Variants in COL11A1 observed in about 807,000 individuals in gnomAD.
The protein encoded by COL11A1 is collagen type XI alpha 1 chain, also known as collagen alpha-1(XI) chain.
A neutral mutation model predicts 265.2 loss-of-function variants in COL11A1; 74 were observed. The ratio of observed to expected loss-of-function variants is 0.28; its 90% CI spans 0.23 to 0.34. The LOEUF (loss-of-function observed/expected upper bound fraction) is 0.34. Ranked by LOEUF, COL11A1 falls within the 10% of genes least tolerant of loss-of-function variation. The probability of loss-of-function intolerance (pLI) is 1.00; values close to 1 mark genes in which losing one functional copy is unlikely to be tolerated. For missense variants in COL11A1, 2,165 were observed against 2,263.6 expected, an observed-to-expected ratio of 0.96 and a Z score of 0.88; for synonymous variants, 816 against 727.6, an observed-to-expected ratio of 1.12 and a Z score of -1.96.
At chr1:103,059,166 A>G (rs904152626) in intron 4 of COL11A1, among the ~76,000 whole-genome samples, 41 of 152,192 alleles carry the variant, frequency 2.7e-4, no homozygotes, top group African/African-American at 8.2e-4. Context: ...ACTGCAGTGC[A>G]GCATTATCCT....
intron 37 of COL11A1, among the ~76,000 whole-genome samples, chr1:102,966,064 A>T (rs1661375135): frequency 6.6e-6 from 1 of 152,216 alleles, no homozygotes; most frequent in Admixed American, 6.5e-5. Flanking sequence ...TCTTGTAAGA[A>T]ACTCAAGAGA....
intron 66 of COL11A1, 97 bp downstream of exon 66, chr1:102,879,586 G>T: frequency 9.8e-7 from 1 of 1,019,966 alleles, no homozygotes; most frequent in Non-Finnish European, 1.5e-6. Context: ...AACAACTGAC[G>T]TCCATTTCAT....
rs1656201528 is a variant in COL11A1 at position 102,923,324 on chromosome 1, A to C, written c.3654+12T>G. 6.2e-7 allele frequency: 1 copy of C among 1,604,224 alleles called. No homozygotes were observed. The highest frequency in any genetic ancestry group is 1.3e-5 in the African/African-American group (1 of 74,578). On this transcript the variant is annotated intron_variant, in intron 47 of 66. Coordinates refer to ENST00000370096, the MANE Select transcript of COL11A1 (RefSeq NM_001854.4). Reference sequence around the variant, plus strand: ...AACACATACCCATCAAACACCAAAAATAAAAACTTACCATGGGACCAACAT... The same window carrying C: ...AACACATACCCATCAAACACCAAAACTAAAAACTTACCATGGGACCAACAT...
At chr1:102,978,563 TA>T in intron 35 of COL11A1, 144 bp downstream of exon 35, 2 of 891,654 alleles carry the variant, frequency 2.2e-6, no homozygotes, top group Non-Finnish European at 3.6e-6. Flanking sequence ...AGGAATAAAT[TA>T]AAAAATAAGC....
chr1:103,085,971 T>G (rs1672821335), intron 1 of COL11A1, among the ~76,000 whole-genome samples: 1 of 152,164 alleles, frequency 6.6e-6, no homozygotes, highest in African/African-American at 2.4e-5. Context: ...AAGATTACTC[T>G]TAAGATCTGT....
At chr1:102,902,626 G>T (rs1225968083) in intron 54 of COL11A1, among the ~76,000 whole-genome samples, 1 of 151,796 alleles carries the variant, frequency 6.6e-6, no homozygotes, top group Admixed American at 6.6e-5. Context: ...TGCAGACCTT[G>T]TTTTCATAAT....
chr1:103,026,047 T>C, intron 6 of COL11A1, 169 bp downstream of exon 6: 2 of 1,326,052 alleles, frequency 1.5e-6, no homozygotes, highest in Non-Finnish European at 2.2e-6. Context: ...AAAAGTGAAA[T>C]GGACATCATT....
At chr1:102,996,993 G>T in intron 26 of COL11A1, 87 bp downstream of exon 26, 1 of 1,077,228 alleles carries the variant, frequency 9.3e-7, no homozygotes, top group African/African-American at 1.6e-5. Context: ...ATATGAACGT[G>T]ATTTATATAT....
intron 3 of COL11A1, among the ~76,000 whole-genome samples, chr1:103,077,218 T>G: frequency 6.6e-6 from 1 of 152,096 alleles, no homozygotes; most frequent in East Asian, 1.9e-4. Flanking sequence ...ATTCTCCATT[T>G]TTTTATTTTT....
chr1:103,008,651 C>T lies in COL11A1; in HGVS notation c.1630-135G>A. 6 of 812,824 alleles carry T rather than the reference C, an allele frequency of 7.4e-6. No homozygotes were observed. In the South Asian group the frequency reaches 9.2e-5, roughly 12 times the overall value. 50.4% of individuals were successfully genotyped at this position (812,824 alleles called of 1,614,324 possible). ...ATATTAGCATTAACTTATTAATTAA[C>T]ACAGTAAAATTTTCCAGCACTTGCA... On this transcript the variant is annotated intron_variant, in intron 14 of 66. Transcript: ENST00000370096.
intron 48 of COL11A1, among the ~76,000 whole-genome samples, chr1:102,921,057 T>C (rs975949590): frequency 6.6e-6 from 1 of 152,160 alleles, no homozygotes; most frequent in African/African-American, 2.4e-5. Flanking sequence ...ATCATCTTTA[T>C]ACAATTAAGA....
At chr1:103,081,958 A>T (rs1672449961) in intron 2 of COL11A1, among the ~76,000 whole-genome samples, 1 of 151,988 alleles carries the variant, frequency 6.6e-6, no homozygotes, top group Non-Finnish European at 1.5e-5. Flanking sequence ...AACACCCATC[A>T]ACTGACCAAT....
intron 44 of COL11A1, among the ~76,000 whole-genome samples, chr1:102,937,499 T>C (rs1658267892): frequency 1.3e-5 from 2 of 152,144 alleles, no homozygotes; most frequent in Admixed American, 1.3e-4. Context: ...GGGTGGGGCC[T>C]AAATGGAGGT....
chr1:102,990,551 T>C (rs1022191359), intron 28 of COL11A1, among the ~76,000 whole-genome samples: 2 of 151,976 alleles, frequency 1.3e-5, no homozygotes, highest in South Asian at 2.1e-4. Context: ...TACGGAAATA[T>C]TTTCTATCAT....
chr1:103,105,086 T>TG (rs1245627505), intron 1 of COL11A1, among the ~76,000 whole-genome samples: 1 of 151,974 alleles, frequency 6.6e-6, no homozygotes, highest in East Asian at 1.9e-4. Flanking sequence ...ATTAGATTTT[T>TG]TTTTTTTAGT....
chr1:102,912,330 C>T (rs886552555), intron 53 of COL11A1, 118 bp from the exon 54 acceptor site: 3 of 764,722 alleles, frequency 3.9e-6, no homozygotes, highest in African/African-American at 1.8e-5. Context: ...GTCAATATTT[C>T]CTGGAAAATC....
rs188638015 is a variant in COL11A1 at position 103,103,739 on chromosome 1, G to T, written c.106+4334C>A. Among the ~76,000 whole-genome samples, 595 of 68,262 alleles carry T rather than the reference G, an allele frequency of 8.7e-3. 5 individuals are homozygous for T. The highest frequency in any genetic ancestry group is 0.023 in the Non-Finnish European group (497 of 22,010). The allele number at this position is 68,262 out of a possible 152,430, so 44.8% of individuals were successfully genotyped here. A position where few individuals can be genotyped will look rare whatever the true frequency, so the allele number is the denominator to read the frequency against. ...ACATATGGTAATTAAATTTGTAATA[G>T]TTGTTGATTGCACAACAGATATCAT... On this transcript the variant is annotated intron_variant, in intron 1 of 66. Transcript: ENST00000370096.
At chr1:102,981,702 G>C (rs1663058341) in intron 31 of COL11A1, among the ~76,000 whole-genome samples, 1 of 151,882 alleles carries the variant, frequency 6.6e-6, no homozygotes, top group South Asian at 2.1e-4. Context: ...AGGCCATAAA[G>C]TCAAAGATTA....
intron 1 of COL11A1, among the ~76,000 whole-genome samples, chr1:103,090,926 G>A (rs377343268): frequency 2.9e-4 from 44 of 152,130 alleles, no homozygotes; most frequent in African/African-American, 1.1e-3. Context: ...ATTATGTACT[G>A]CTTAGCAATC....
Sources: gnomAD v4.1 joint callset for allele counts (sites outside exome capture counted in the v4.1 genomes callset) on GRCh38, gnomAD v4.1.1 for gene constraint, MANE v1.5 for transcripts, NCBI Gene and HGNC (gene_info 2026-07-23, HGNC 2026-07-21) for gene names.